The following KCNIP4 variants were observed in gnomAD, a reference collection of about 807,000 sequenced individuals.
KCNIP4 encodes potassium voltage-gated channel interacting protein 4, also known as Kv channel-interacting protein 4.
Under a neutral mutation model 34.0 loss-of-function variants are expected in KCNIP4, and 12 were observed. The observed-to-expected ratio is 0.35, with a 90% CI of 0.23 to 0.57. The LOEUF is 0.57. Among genes scored for constraint, KCNIP4 ranks in the 20% least tolerant of loss-of-function variants. The pLI, the probability that KCNIP4 is intolerant of heterozygous loss-of-function variation, is 0.83. For synonymous variants in KCNIP4, 124 were observed against 102.2 expected, an observed-to-expected ratio of 1.21 and a Z score of -1.29; for missense variants, 238 against 311.7, an observed-to-expected ratio of 0.76 and a Z score of 1.78.
At chr4:20,903,238 C>A (rs1378384785) in intron 1 of KCNIP4, among the ~76,000 whole-genome samples, 1 of 152,148 alleles carries the variant, frequency 6.6e-6, no homozygotes, top group Non-Finnish European at 1.5e-5. Context: ...AAGTGAAGTA[C>A]CTTAGTTCCT....
chr4:21,670,878 G>C (rs774571190), intron 1 of KCNIP4, among the ~76,000 whole-genome samples: 3 of 151,772 alleles, frequency 2.0e-5, no homozygotes, highest in African/African-American at 7.3e-5. Context: ...GGACGGTCTC[G>C]ATCTCCTGAC....
intron 1 of KCNIP4, among the ~76,000 whole-genome samples, chr4:21,133,266 A>G (rs1269841890): frequency 6.6e-5 from 10 of 152,190 alleles, no homozygotes; most frequent in Non-Finnish European, 1.2e-4. Flanking sequence ...CTTTATTTTC[A>G]AAACCTCCTG....
At chr4:21,850,907 T>C (rs1324957369) in intron 1 of KCNIP4, 1 of 152,064 alleles carries the variant, frequency 6.6e-6, no homozygotes, top group Admixed American at 6.6e-5. Flanking sequence ...AACTGATTGT[T>C]AGGCATGCAT....
intron 1 of KCNIP4, among the ~76,000 whole-genome samples, chr4:20,975,964 G>A (rs79743465): frequency 0.027 from 4,048 of 152,100 alleles, 165 homozygotes; most frequent in African/African-American, 0.088. Context: ...TATTATCTAC[G>A]GCTGCTTTTG....
At position 21,698,658 on chromosome 4, in the gene KCNIP4, T is replaced by C. The variant is rs139321760; in HGVS notation, c.61+249913A>G. Among the ~76,000 whole-genome samples, 21 of 152,346 alleles carry C rather than the reference T, an allele frequency of 1.4e-4. 1 individual carries two copies. Among genetic ancestry groups the C allele is most frequent in the Admixed American group, 1.4e-3 (21 of 15,298 alleles). On this transcript the variant is annotated intron_variant, in intron 1 of 8. Transcript: ENST00000382152. ...AATTTATACTCCTAGAGTTTGTTTA[T>C]TTTTGTTTATTCTGAATAAATATAA... is the stretch of plus-strand genomic sequence containing the variant.
chr4:21,413,505 C>T (rs1379690747), intron 1 of KCNIP4, among the ~76,000 whole-genome samples: 2 of 152,212 alleles, frequency 1.3e-5, no homozygotes, highest in Non-Finnish European at 2.9e-5. Flanking sequence ...CAAATCTCTA[C>T]AGGCAGGTCA....
chr4:21,470,745 G>A (rs1380065469), intron 1 of KCNIP4, among the ~76,000 whole-genome samples: 1 of 152,030 alleles, frequency 6.6e-6, no homozygotes, highest in Non-Finnish European at 1.5e-5. Flanking sequence ...TCACTAAAAA[G>A]CCACAGGGAG....
chr4:21,405,373 A>C (rs572898938), intron 1 of KCNIP4, among the ~76,000 whole-genome samples: 5 of 152,292 alleles, frequency 3.3e-5, no homozygotes, highest in African/African-American at 1.2e-4. Flanking sequence ...ATCATTGAGT[A>C]ATTCTGTCTT....
At chr4:21,335,000 A>AT (rs1212778800) in intron 1 of KCNIP4, among the ~76,000 whole-genome samples, 1 of 152,008 alleles carries the variant, frequency 6.6e-6, no homozygotes, top group African/African-American at 2.4e-5. Context: ...CTGTGTTTTC[A>AT]TTTCTCTTCA....
At chr4:21,530,286 C>A (rs1419736165) in intron 1 of KCNIP4, among the ~76,000 whole-genome samples, 1 of 151,990 alleles carries the variant, frequency 6.6e-6, no homozygotes, top group Non-Finnish European at 1.5e-5. Context: ...TTATACAGCT[C>A]TAGCTACAGT....
intron 1 of KCNIP4, among the ~76,000 whole-genome samples, chr4:21,190,452 T>A (rs1039786141): frequency 1.7e-5 from 2 of 116,550 alleles, no homozygotes; most frequent in African/African-American, 7.6e-5. Context: ...GTGCCACACC[T>A]CCCTTACCAT....
chr4:21,697,774 T>C, intron 1 of KCNIP4: 1 of 623,298 alleles, frequency 1.6e-6, no homozygotes, highest in Non-Finnish European at 2.1e-6. Flanking sequence ...CAGAAGCAGT[T>C]GCAACCTCAC....
intron 6 of KCNIP4, among the ~76,000 whole-genome samples, chr4:20,733,881 C>A (rs1748954166): frequency 1.3e-5 from 2 of 152,132 alleles, no homozygotes; most frequent in South Asian, 4.1e-4. Flanking sequence ...TGACCTGGCA[C>A]ACTTGCACCT....
At chr4:21,707,281 A>T (rs960932903) in intron 1 of KCNIP4, among the ~76,000 whole-genome samples, 3 of 152,188 alleles carry the variant, frequency 2.0e-5, no homozygotes, top group Non-Finnish European at 2.9e-5. Flanking sequence ...TGACAATGTG[A>T]ACAAATATTT....
chr4:20,863,951 T>TAC (rs766510957), intron 2 of KCNIP4, among the ~76,000 whole-genome samples: 2 of 150,764 alleles, frequency 1.3e-5, no homozygotes, highest in African/African-American at 2.4e-5. Flanking sequence ...TGTATATATA[T>TAC]ACACACACAC....
chr4:21,429,979 G>A (rs1401860228), intron 1 of KCNIP4, among the ~76,000 whole-genome samples: 1 of 152,024 alleles, frequency 6.6e-6, no homozygotes, highest in Non-Finnish European at 1.5e-5. Flanking sequence ...TGAAGATAAA[G>A]CAATTTCCCT....
At chr4:21,238,934 A>T (rs1759581950) in intron 1 of KCNIP4, among the ~76,000 whole-genome samples, 1 of 152,226 alleles carries the variant, frequency 6.6e-6, no homozygotes, top group African/African-American at 2.4e-5. Flanking sequence ...CTAAGCCAAA[A>T]GAACAAAGCT....
In KCNIP4 at chr4:21,750,784, G is replaced by A. The variant is rs1717101351; in HGVS notation, c.61+197787C>T. 1.3e-5 allele frequency among the ~76,000 whole-genome samples: 2 copies of A among 152,054 alleles called. 1 individual carries two copies. Among genetic ancestry groups the A allele is most frequent in the South Asian group, 4.1e-4 (2 of 4,820 alleles). ...TATTTCGCGGAGAAGCTGTGGGCTG[G>A]AGAATGGGAAGGTGGAGAAGGTAGG... is the stretch of plus-strand genomic sequence containing the variant. On this transcript the variant is annotated intron_variant, in intron 1 of 8. Coordinates refer to ENST00000382152, the MANE Select transcript of KCNIP4 (RefSeq NM_025221.6).
chr4:21,077,103 G>A (rs1339055343), intron 1 of KCNIP4, among the ~76,000 whole-genome samples: 1 of 151,882 alleles, frequency 6.6e-6, no homozygotes, highest in Admixed American at 6.6e-5. Flanking sequence ...TCCAACCTGG[G>A]CAACAGAATG....
Sources: gnomAD v4.1 joint callset for allele counts (sites outside exome capture counted in the v4.1 genomes callset) on GRCh38, gnomAD v4.1.1 for gene constraint, MANE v1.5 for transcripts, NCBI Gene and HGNC (gene_info 2026-07-23, HGNC 2026-07-21) for gene names.